Variants in CNTN4 observed in about 807,000 individuals in gnomAD.
CNTN4 encodes contactin 4.
CNTN4 carries 77 observed loss-of-function variants against 122.5 expected under a neutral mutation model. That is an observed-to-expected ratio of 0.63 (90% CI 0.52 to 0.76). The LOEUF is 0.76. CNTN4 is among the 30% of genes least tolerant of loss of function. The pLI, the probability that CNTN4 is intolerant of heterozygous loss-of-function variation, is 0.00. For synonymous variants in CNTN4, 512 were observed against 447.0 expected (o/e 1.15, Z -1.83); for missense variants, 1,256 against 1,259.1 (o/e 1.00, Z 0.04).
chr3:2,440,835 A>T (rs1192285162), intron 3 of CNTN4, among the ~76,000 whole-genome samples: 2 of 147,566 alleles, frequency 1.4e-5, no homozygotes, highest in Non-Finnish European at 3.0e-5. Context: ...AACTATATAT[A>T]TTTTATATAT....
chr3:2,930,114 T>C (rs912094205), intron 13 of CNTN4, among the ~76,000 whole-genome samples: 5 of 152,170 alleles, frequency 3.3e-5, no homozygotes, highest in Non-Finnish European at 5.9e-5. Context: ...ACCCCTCCCT[T>C]CCCTTTCTAT....
At chr3:2,217,287 G>A (rs562755404) in intron 2 of CNTN4, among the ~76,000 whole-genome samples, 1 of 152,192 alleles carries the variant, frequency 6.6e-6, no homozygotes, top group East Asian at 1.9e-4. Context: ...ATACTTGCAA[G>A]CAGTGTGTTT....
At chr3:2,809,580 G>A (rs1480065579) in intron 6 of CNTN4, among the ~76,000 whole-genome samples, 2 of 152,158 alleles carry the variant, frequency 1.3e-5, no homozygotes, top group African/African-American at 4.8e-5. Context: ...GTTTCTCTTT[G>A]TGTTGTGTAA....
rs73000100 is a variant in CNTN4 at position 2,526,594 on chromosome 3, T to C, written c.-88-44822T>C. Among the ~76,000 whole-genome samples the C allele has an allele frequency of 6.2e-3, 948 of 152,258 alleles. 8 individuals carry two copies. Among genetic ancestry groups the C allele is most frequent in the Non-Finnish European group, 0.01 (712 of 68,024 alleles). Reference sequence around the variant, plus strand: ...TAAGAAAAAACTTGATTTACCAAAATACGTATGGGATTTAGGGTAACTATT... The same window carrying C: ...TAAGAAAAAACTTGATTTACCAAAACACGTATGGGATTTAGGGTAACTATT... On this transcript the variant is annotated intron_variant, in intron 3 of 24. Coordinates refer to ENST00000418658, the MANE Select transcript of CNTN4 (RefSeq NM_175607.3).
intron 4 of CNTN4, among the ~76,000 whole-genome samples, chr3:2,593,063 A>T (rs1191136260): frequency 6.6e-6 from 1 of 152,190 alleles, no homozygotes; most frequent in Admixed American, 6.5e-5. Context: ...CATAACACCC[A>T]CTCAGCTCTC....
chr3:2,169,724 T>G (rs556511680), intron 2 of CNTN4, among the ~76,000 whole-genome samples: 16 of 152,108 alleles, frequency 1.1e-4, no homozygotes, highest in Non-Finnish European at 2.1e-4. Context: ...TTATGAAAGA[T>G]ATGAAAAACA....
At chr3:2,880,782 G>A (rs192152217) in intron 8 of CNTN4, among the ~76,000 whole-genome samples, 190 of 152,304 alleles carry the variant, frequency 1.2e-3, no homozygotes, top group African/African-American at 3.3e-3. Flanking sequence ...TTTCAACACC[G>A]ACTGGTTTTC....
intron 10 of CNTN4, among the ~76,000 whole-genome samples, chr3:2,890,867 C>T (rs1039324528): frequency 6.6e-5 from 10 of 152,164 alleles, no homozygotes; most frequent in African/African-American, 2.4e-4. Context: ...ATCTACTTTT[C>T]TCAGTCTGTT....
At chr3:2,560,443 AC>A (rs1014832266) in intron 3 of CNTN4, among the ~76,000 whole-genome samples, 1 of 152,038 alleles carries the variant, frequency 6.6e-6, no homozygotes, top group African/African-American at 2.4e-5. Context: ...TGCCTGGCCC[AC>A]TCCACTTATT....
chr3:2,768,905 C>T (rs1056101041), intron 6 of CNTN4, among the ~76,000 whole-genome samples: 3 of 152,228 alleles, frequency 2.0e-5, no homozygotes, highest in Admixed American at 2.0e-4. Context: ...GTGACTTCCT[C>T]AAGTTCGTGA....
intron 2 of CNTN4, among the ~76,000 whole-genome samples, chr3:2,282,351 C>G (rs966577349): frequency 6.7e-6 from 1 of 150,050 alleles, no homozygotes; most frequent in Non-Finnish European, 1.5e-5. Flanking sequence ...ATATAAATGA[C>G]CTTTAATGTA....
At chr3:2,521,318 G>A (rs1255120828) in intron 3 of CNTN4, among the ~76,000 whole-genome samples, 1 of 150,008 alleles carries the variant, frequency 6.7e-6, no homozygotes, top group Admixed American at 6.7e-5. Flanking sequence ...TTTTGTTTCT[G>A]TGAACAAGGG....
rs1576724816 is a variant in CNTN4 at position 2,770,412 on chromosome 3, C to T, written c.358+24715C>T. 2.0e-5 allele frequency among the ~76,000 whole-genome samples: 3 copies of T among 152,338 alleles called. No individual in the cohort carries two copies. The South Asian group carries it at 6.2e-4, about 32-fold the overall frequency. Reference sequence around the variant, plus strand: ...CTATAAGGCAGTATTGCCTTTTGCACACACAAACCTTCCCTGGTGGGGGAG... The same window carrying T: ...CTATAAGGCAGTATTGCCTTTTGCATACACAAACCTTCCCTGGTGGGGGAG... On this transcript the variant is annotated intron_variant, in intron 6 of 24. Coordinates refer to ENST00000418658, the MANE Select transcript of CNTN4 (RefSeq NM_175607.3).
intron 2 of CNTN4, among the ~76,000 whole-genome samples, chr3:2,326,694 T>A (rs536646252): frequency 1.3e-5 from 2 of 152,152 alleles, no homozygotes; most frequent in African/African-American, 4.8e-5. Context: ...AATAGGGAAA[T>A]AGGTTTTACT....
At chr3:2,102,571 G>A (rs1385698532) in intron 2 of CNTN4, among the ~76,000 whole-genome samples, 1 of 152,168 alleles carries the variant, frequency 6.6e-6, no homozygotes, top group African/African-American at 2.4e-5. Flanking sequence ...CCTTCAAAGT[G>A]TGATTCAGAG....
chr3:2,821,064 C>T (rs550322769), intron 7 of CNTN4, among the ~76,000 whole-genome samples: 25 of 146,832 alleles, frequency 1.7e-4, no homozygotes, highest in Non-Finnish European at 2.4e-4. Context: ...CAGGTTCAAT[C>T]GATTCTCATG....
chr3:2,460,478 A>G (rs1364061338), intron 3 of CNTN4, among the ~76,000 whole-genome samples: 1 of 152,016 alleles, frequency 6.6e-6, no homozygotes, highest in Admixed American at 6.5e-5. Flanking sequence ...CATGACTGCT[A>G]CCTCCTTTGG....
intron 4 of CNTN4, among the ~76,000 whole-genome samples, chr3:2,729,241 G>C (rs897846982): frequency 6.6e-6 from 1 of 152,130 alleles, no homozygotes; most frequent in African/African-American, 2.4e-5. Context: ...CTGCAGGGTA[G>C]TTTTTCTTCA....
chr3:2,337,370 C>T (rs1202682697), intron 2 of CNTN4, among the ~76,000 whole-genome samples: 1 of 152,086 alleles, frequency 6.6e-6, no homozygotes, highest in East Asian at 1.9e-4. Flanking sequence ...TGTACAGTCA[C>T]CATGCATGAA....
Sources: allele counts gnomAD v4.1 joint callset (sites outside exome capture counted in the v4.1 genomes callset), GRCh38; gene constraint gnomAD v4.1.1; transcripts MANE v1.5; gene names NCBI Gene and HGNC (gene_info 2026-07-23, HGNC 2026-07-21).